LOC128706666: variants seen among roughly 807,000 people sequenced by gnomAD.
At chr20:10,433,813 G>A in the LOC128706666 span, among the ~76,000 whole-genome samples, 2 of 152,188 alleles carry the variant, frequency 1.3e-5, no homozygotes, top group African/African-American at 4.8e-5. Flanking sequence ...GAAGGCGGCA[G>A]CGCAGGTGGG....
the LOC128706666 span, among the ~76,000 whole-genome samples, chr20:10,431,094 G>T: frequency 6.6e-6 from 1 of 152,180 alleles, no homozygotes; most frequent in Non-Finnish European, 1.5e-5. Context: ...TGCCTAGCAT[G>T]TGGGAAGTGC....
At chr20:10,424,926 G>A in the LOC128706666 span, among the ~76,000 whole-genome samples, 5 of 151,844 alleles carry the variant, frequency 3.3e-5, no homozygotes, top group African/African-American at 9.7e-5. Flanking sequence ...GGTGGCAGGC[G>A]CCTGTAATCC....
At chr20:10,420,444 T>C in the LOC128706666 span, 2 of 152,222 alleles carry the variant, frequency 1.3e-5, no homozygotes, top group African/African-American at 4.8e-5. Context: ...ATTTAGGCTT[T>C]TCCTTGCCAG....
the LOC128706666 span, chr20:10,414,074 G>A: frequency 5.4e-6 from 2 of 369,134 alleles, no homozygotes; most frequent in Non-Finnish European, 9.5e-6. Flanking sequence ...AAATGAGAAA[G>A]GTAGACCAAC....
At chr20:10,422,499 G>A in the LOC128706666 span, among the ~76,000 whole-genome samples, 6 of 152,232 alleles carry the variant, frequency 3.9e-5, no homozygotes, top group East Asian at 1.2e-3. Context: ...TTAGAGTAAG[G>A]AGGGAAGAAT....
the LOC128706666 span, among the ~76,000 whole-genome samples, chr20:10,414,265 CTTT>C: frequency 2.3e-5 from 3 of 132,322 alleles, no homozygotes; most frequent in Admixed American, 7.8e-5. Flanking sequence ...GTCTCTGAGT[CTTT>C]TTTTTTTTTT....
the LOC128706666 span, among the ~76,000 whole-genome samples, chr20:10,422,491 A>G: frequency 6.6e-6 from 1 of 152,162 alleles, no homozygotes. Context: ...GGAGGAATTT[A>G]GAGTAAGGAG....
the LOC128706666 span, among the ~76,000 whole-genome samples, chr20:10,419,562 T>C: frequency 6.6e-6 from 1 of 152,190 alleles, no homozygotes; most frequent in Non-Finnish European, 1.5e-5. Flanking sequence ...AAACCCTATA[T>C]ATACTATGTT....
At chr20:10,429,783 A>C in the LOC128706666 span, among the ~76,000 whole-genome samples, 1 of 151,900 alleles carries the variant, frequency 6.6e-6, no homozygotes, top group African/African-American at 2.4e-5. Flanking sequence ...TCCTTGCTTC[A>C]ATTCCAGTAG....
chr20:10,419,959 T>A, the LOC128706666 span, among the ~76,000 whole-genome samples: 1 of 152,230 alleles, frequency 6.6e-6, no homozygotes, highest in Non-Finnish European at 1.5e-5. Flanking sequence ...GCAAATTGCC[T>A]CATGTCAGTT....
chr20:10,417,207 C>T, the LOC128706666 span, among the ~76,000 whole-genome samples: 5 of 146,860 alleles, frequency 3.4e-5, no homozygotes, highest in East Asian at 1.0e-3. Flanking sequence ...GCCGACATCA[C>T]CCAACTGCAG....
At chr20:10,426,241 C>T in the LOC128706666 span, among the ~76,000 whole-genome samples, 1 of 152,324 alleles carries the variant, frequency 6.6e-6, no homozygotes, top group East Asian at 1.9e-4. Flanking sequence ...GCCTAGTACT[C>T]TACTAAGCAA....
chr20:10,416,666 C>A, the LOC128706666 span, among the ~76,000 whole-genome samples: 1 of 152,124 alleles, frequency 6.6e-6, no homozygotes, highest in African/African-American at 2.4e-5. Flanking sequence ...TTTGGGGTAA[C>A]TGAATAGTTG....
the LOC128706666 span, among the ~76,000 whole-genome samples, chr20:10,429,985 T>A: frequency 1.3e-5 from 2 of 152,158 alleles, no homozygotes; most frequent in African/African-American, 4.8e-5. Flanking sequence ...CTAGTCTACA[T>A]CCACTAATCC....
chr20:10,423,003 G>T, the LOC128706666 span, among the ~76,000 whole-genome samples: 3 of 151,954 alleles, frequency 2.0e-5, no homozygotes, highest in Non-Finnish European at 4.4e-5. Flanking sequence ...GAGCCACTGC[G>T]CCCGGCCCTT....
At chr20:10,433,028 A>G in the LOC128706666 span, among the ~76,000 whole-genome samples, 59 of 152,194 alleles carry the variant, frequency 3.9e-4, no homozygotes, top group African/African-American at 1.4e-3. Flanking sequence ...TATTTTCTTA[A>G]ATAGAGTCTC....
the LOC128706666 span, among the ~76,000 whole-genome samples, chr20:10,427,419 T>C: frequency 6.6e-6 from 1 of 152,218 alleles, no homozygotes; most frequent in Non-Finnish European, 1.5e-5. Context: ...GAACATTAGA[T>C]AGAATATTAA....
At chr20:10,421,497 A>G in the LOC128706666 span, among the ~76,000 whole-genome samples, 1 of 152,116 alleles carries the variant, frequency 6.6e-6, no homozygotes, top group Non-Finnish European at 1.5e-5. Flanking sequence ...TGCAGTAAGA[A>G]TTTAGGTTCT....
the LOC128706666 span, among the ~76,000 whole-genome samples, chr20:10,414,282 T>TTTTTTTA: frequency 6.6e-6 from 1 of 150,942 alleles, no homozygotes; most frequent in African/African-American, 2.4e-5. Context: ...TTTTTTTTTT[T>TTTTTTTA]GAGATGGAGT....
Sources: gnomAD v4.1 joint callset for allele counts (sites outside exome capture counted in the v4.1 genomes callset) on GRCh38, gnomAD v4.1.1 for gene constraint, MANE v1.5 for transcripts.